Variants in MEIOSIN observed in about 807,000 individuals in gnomAD.
MEIOSIN encodes the protein meiosis initiator protein.
A neutral mutation model predicts 23.4 loss-of-function variants in MEIOSIN; 18 were observed. That is an observed-to-expected ratio of 0.77 (90% CI 0.53 to 1.14). The LOEUF (loss-of-function observed/expected upper bound fraction) is 1.14, where lower values mean the gene tolerates loss of function less well. Ranked by LOEUF, MEIOSIN falls within the 50% of genes most tolerant of loss-of-function variation. The pLI is 0.00. For missense variants in MEIOSIN, 428 were observed against 242.9 expected, an observed-to-expected ratio of 1.76 and a Z score of -5.07; for synonymous variants, 187 against 100.6, an observed-to-expected ratio of 1.86 and a Z score of -5.14.
chr19:45,756,074 C>G lies in MEIOSIN; in HGVS notation c.907C>G (p.Pro303Ala). ...IHFLNKTQPH[P>A]RQKLVFYDSS... ...TTTTCTCAACAAGACCCAGCCCCAT[C>G]CCAGGTAAGGGCGTCCCCAGGGCAC... Residue 303 changes from proline to alanine, a missense_variant, in exon 8 of 15, where the codon CCC becomes GCC. Transcript: ENST00000457052. The G allele has an allele frequency of 4.3e-6, 3 of 702,828 alleles. No homozygotes were observed. The highest frequency in any genetic ancestry group is 7.8e-6 in the Non-Finnish European group (3 of 384,980). The allele number at this position is 702,828 out of a possible 1,614,324, so 43.5% of individuals were successfully genotyped here. A position where few individuals can be genotyped will look rare whatever the true frequency, so the allele number is the denominator to read the frequency against.
At chr19:45,744,545 C>A (rs1968559620) in intron 3 of MEIOSIN, among the ~76,000 whole-genome samples, 1 of 152,024 alleles carries the variant, frequency 6.6e-6, no homozygotes, top group Non-Finnish European at 1.5e-5. Context: ...CCTCAGCCTC[C>A]CCAGTAGCTG....
chr19:45,762,424 T>G (rs927849656), intron 13 of MEIOSIN, among the ~76,000 whole-genome samples: 3 of 152,162 alleles, frequency 2.0e-5, no homozygotes, highest in African/African-American at 4.8e-5. Flanking sequence ...AAAGGAGTTT[T>G]TTTTGTTTTG....
In MEIOSIN at chr19:45,755,904, C is replaced by T. The variant is rs192808707; in HGVS notation, c.803-66C>T. ...GGCAGAAGCTGGCACCCCTTTGTCC[C>T]CTGCTTCTGGGCTTCCTGGAATTTG... On this transcript the variant is annotated intron_variant, in intron 7 of 14. Transcript: ENST00000457052. 9.1e-5 allele frequency: 61 copies of T among 673,970 alleles called. No individual in the cohort carries two copies. In the African/African-American group the frequency reaches 1.0e-3, roughly 11 times the overall value. 41.7% of individuals were successfully genotyped at this position (673,970 alleles called of 1,614,324 possible).
At chr19:45,762,747 G>A (rs1032391114) in intron 13 of MEIOSIN, among the ~76,000 whole-genome samples, 1 of 152,218 alleles carries the variant, frequency 6.6e-6, no homozygotes, top group African/African-American at 2.4e-5. Flanking sequence ...AGCAAGAAAA[G>A]AAAATGAATT....
intron 7 of MEIOSIN, 135 bp from the exon 8 acceptor site, chr19:45,755,835 G>T (rs1210651417): frequency 1.7e-6 from 1 of 603,418 alleles, no homozygotes; most frequent in African/African-American, 1.8e-5. Flanking sequence ...GTGACACCCT[G>T]CATCCTGAGG....
intron 9 of MEIOSIN, among the ~76,000 whole-genome samples, chr19:45,758,372 C>CTT (rs199876494): frequency 2.0e-5 from 3 of 150,710 alleles, no homozygotes; most frequent in African/African-American, 7.3e-5. Flanking sequence ...ATTGATTTTT[C>CTT]TTTTTTTTTG....
chr19:45,756,190 G>A (rs1418381197), intron 8 of MEIOSIN, 112 bp downstream of exon 8: 1 of 627,930 alleles, frequency 1.6e-6, no homozygotes, highest in Non-Finnish European at 2.9e-6. Flanking sequence ...TGCCCCTTGA[G>A]CACCAATGGA....
intron 14 of MEIOSIN, 118 bp from the exon 15 acceptor site, chr19:45,763,853 G>A (rs140732067): frequency 8.1e-4 from 323 of 397,796 alleles, no homozygotes; most frequent in African/African-American, 5.7e-3. Flanking sequence ...CCCAAGGCTC[G>A]CCCAATAGAG....
intron 4 of MEIOSIN, among the ~76,000 whole-genome samples, chr19:45,749,691 A>AAAAAG (rs1968658130): frequency 7.4e-6 from 1 of 135,374 alleles, no homozygotes; most frequent in Non-Finnish European, 1.6e-5. Flanking sequence ...AAAAAAAAAA[A>AAAAAG]GCGCAAAAAA....
rs527446978 is a variant in MEIOSIN, at chr19:45,759,663, G to C, written c.1245+173G>C. The stretch of plus-strand genomic sequence containing the variant: ...AAAACCGCCCCCCGACCCTCTCTGC[G>C]CTCACTGGTGGCCACCAGATGCCGG... On this transcript the variant is annotated intron_variant, in intron 11 of 14. Transcript: ENST00000457052. Among the ~76,000 whole-genome samples the C allele has an allele frequency of 3.3e-5, 5 of 152,126 alleles. No individual in the cohort carries two copies. In the South Asian group the frequency reaches 8.3e-4, roughly 25 times the overall value.
chr19:45,761,598 A>G, intron 11 of MEIOSIN, 81 bp from the exon 12 acceptor site: 1 of 636,146 alleles, frequency 1.6e-6, no homozygotes. Context: ...TGCTCATGTT[A>G]TGTCCTAGAA....
intron 4 of MEIOSIN, among the ~76,000 whole-genome samples, chr19:45,745,645 C>G (rs1169966534): frequency 1.3e-5 from 2 of 152,166 alleles, no homozygotes; most frequent in African/African-American, 4.8e-5. Context: ...TCTCAGGCTA[C>G]CCAGACTTTC....
chr19:45,753,478 C>T (rs1405250134), intron 5 of MEIOSIN, among the ~76,000 whole-genome samples, 173 bp from the exon 6 acceptor site: 5 of 152,198 alleles, frequency 3.3e-5, no homozygotes, highest in African/African-American at 9.7e-5. Context: ...TTGCCCTCTA[C>T]TTTCACAGTC....
chr19:45,738,931 G>T (rs1439942472), intron 2 of MEIOSIN, among the ~76,000 whole-genome samples: 1 of 152,288 alleles, frequency 6.6e-6, no homozygotes, highest in South Asian at 2.1e-4. Context: ...TATTGATAAA[G>T]ACTGTTAGTT....
At chr19:45,751,071 G>A (rs1252932689) in intron 5 of MEIOSIN, among the ~76,000 whole-genome samples, 2 of 151,898 alleles carry the variant, frequency 1.3e-5, no homozygotes, top group Admixed American at 1.3e-4. Flanking sequence ...TCAGGAGTTC[G>A]AGACCAGCCT....
In MEIOSIN at chr19:45,756,076, C is replaced by G. The variant is rs1274033903; in HGVS notation, c.909C>G (p.Pro303=). ...TTCTCAACAAGACCCAGCCCCATCC[C>G]AGGTAAGGGCGTCCCCAGGGCACTG... ...IHFLNKTQPH[P]RQKLVFYDSS... Residue 303 remains proline (P), a splice_region_variant and synonymous_variant, in exon 8 of 15, where the codon CCC becomes CCG. Coordinates refer to ENST00000457052, the MANE Select transcript of MEIOSIN (RefSeq NM_001310124.2). 1.0e-5 allele frequency: 7 copies of G among 702,644 alleles called. No individual in the cohort carries two copies. In the Admixed American group the frequency reaches 1.4e-4, roughly 14 times the overall value. 43.5% of individuals were successfully genotyped at this position (702,644 alleles called of 1,614,324 possible).
chr19:45,749,695 C>CA (rs1220005971), intron 4 of MEIOSIN, among the ~76,000 whole-genome samples: 1,145 of 72,242 alleles, frequency 0.016, 21 homozygotes, highest in African/African-American at 0.047. Context: ...AAAAAAAGCG[C>CA]AAAAAAAAAA....
Position 45,734,544 on chromosome 19 carries a change from T to C in MEIOSIN, c.1-833T>C, listed in dbSNP as rs547893966. Among the ~76,000 whole-genome samples, 677 of 151,670 alleles carry C rather than the reference T, an allele frequency of 4.5e-3. 11 individuals carry two copies. The highest frequency in any genetic ancestry group is 0.015 in the African/African-American group (616 of 41,328). On this transcript the variant is annotated intron_variant, in intron 1 of 14. Transcript: ENST00000457052. ...TTTGAGACAAGGTCTCACTTTGTCA[T>C]CCAGGCTGGAGTGCAGTAGTGCGAT...
rs1968953322 is a variant in MEIOSIN, at chr19:45,761,950, C to T, written c.1446C>T (p.Ala482=). 1.7e-6 allele frequency: 1 copy of T among 584,438 alleles called. No homozygotes were observed. The highest frequency in any genetic ancestry group is 2.9e-5 in the East Asian group (1 of 34,714). 36.2% of individuals were successfully genotyped at this position (584,438 alleles called of 1,614,324 possible). Residue 482 remains alanine (A), a synonymous_variant, in exon 13 of 15, where the codon GCC becomes GCT. Transcript: ENST00000457052. ...PLWKQREDMQ[A]NPVGTPGSSE... ...TCTCCCTCCCCCAGGATATGCAGGC[C>T]AACCCTGTGGGCACGCCGGGCTCCA...
Sources: allele counts gnomAD v4.1 joint callset (sites outside exome capture counted in the v4.1 genomes callset), GRCh38; gene constraint gnomAD v4.1.1; transcripts MANE v1.5; gene names NCBI Gene and HGNC (gene_info 2026-07-23, HGNC 2026-07-21).